HTR7: variants seen among roughly 807,000 people sequenced by gnomAD.
The protein encoded by HTR7 is 5-hydroxytryptamine receptor 7, also known as 5-HT-7.
Under a neutral mutation model 34.0 loss-of-function variants are expected in HTR7, and 16 were observed. The ratio of observed to expected loss-of-function variants is 0.47; its 90% CI spans 0.32 to 0.71. The LOEUF (loss-of-function observed/expected upper bound fraction) is 0.71. Ranked by LOEUF, HTR7 falls within the 30% of genes least tolerant of loss-of-function variation. HTR7 has a pLI of 0.04. For missense variants in HTR7, 504 were observed against 625.5 expected, an observed-to-expected ratio of 0.81 and a Z score of 2.07; for synonymous variants, 265 against 260.2, an observed-to-expected ratio of 1.02 and a Z score of -0.18.
intron 1 of HTR7, among the ~76,000 whole-genome samples, chr10:90,794,107 A>C (rs762343465): frequency 6.6e-6 from 1 of 152,218 alleles, no homozygotes; most frequent in African/African-American, 2.4e-5. Flanking sequence ...AATCCAATCA[A>C]ATTGACACTC....
intron 1 of HTR7, among the ~76,000 whole-genome samples, chr10:90,812,318 C>T (rs905450496): frequency 5.9e-5 from 9 of 152,126 alleles, no homozygotes; most frequent in South Asian, 2.1e-4. Flanking sequence ...CTCTTGTTTA[C>T]ACTGCCGGTT....
intron 1 of HTR7, among the ~76,000 whole-genome samples, chr10:90,852,615 A>G (rs541463023): frequency 1.3e-5 from 2 of 152,356 alleles, no homozygotes; most frequent in East Asian, 3.8e-4. Context: ...TCTACGGTGA[A>G]TGGATAAGCA....
chr10:90,826,554 A>G (rs1453424479), intron 1 of HTR7, among the ~76,000 whole-genome samples: 2 of 152,232 alleles, frequency 1.3e-5, no homozygotes, highest in Non-Finnish European at 2.9e-5. Flanking sequence ...AGACAGTACT[A>G]TAAGATATAA....
intron 1 of HTR7, among the ~76,000 whole-genome samples, chr10:90,840,166 C>CTT (rs1422267884): frequency 2.1e-3 from 269 of 126,536 alleles, no homozygotes; most frequent in African/African-American, 7.1e-3. Context: ...ATCTGTTTCT[C>CTT]TCTCTCTCTC....
chr10:90,782,840 G>C (rs965510433), intron 1 of HTR7, among the ~76,000 whole-genome samples: 1 of 151,956 alleles, frequency 6.6e-6, no homozygotes, highest in African/African-American at 2.4e-5. Flanking sequence ...TTGTTTGTTT[G>C]CTTCTTTCTT....
intron 1 of HTR7, among the ~76,000 whole-genome samples, chr10:90,813,144 C>G (rs1229579160): frequency 6.6e-6 from 1 of 152,164 alleles, no homozygotes; most frequent in Admixed American, 6.5e-5. Context: ...GGCCCCACCC[C>G]TATCTCCCTT....
intron 1 of HTR7, among the ~76,000 whole-genome samples, chr10:90,840,148 G>C (rs1162525647): frequency 7.1e-6 from 1 of 140,070 alleles, no homozygotes; most frequent in Non-Finnish European, 1.6e-5. Flanking sequence ...CCATCTGTCT[G>C]TCTCTCCATC....
chr10:90,838,834 G>C (rs963329037), intron 1 of HTR7, among the ~76,000 whole-genome samples: 5 of 152,128 alleles, frequency 3.3e-5, no homozygotes, highest in Non-Finnish European at 7.3e-5. Context: ...GGCCCTCCAT[G>C]ATCACCCACT....
chr10:90,837,859 A>G (rs1325270074), intron 1 of HTR7, among the ~76,000 whole-genome samples: 1 of 152,222 alleles, frequency 6.6e-6, no homozygotes, highest in East Asian at 1.9e-4. Flanking sequence ...TGACTGCTTC[A>G]CTAAAACTAC....
At chr10:90,770,670 C>T (rs977155051) in intron 1 of HTR7, among the ~76,000 whole-genome samples, 3 of 152,244 alleles carry the variant, frequency 2.0e-5, no homozygotes, top group African/African-American at 7.2e-5. Context: ...TCGCCCTGGC[C>T]CTCTCTAGAC....
intron 1 of HTR7, among the ~76,000 whole-genome samples, chr10:90,834,239 T>C (rs1024135261): frequency 5.9e-5 from 9 of 152,132 alleles, no homozygotes; most frequent in African/African-American, 1.9e-4. Context: ...GGTGTGCAAA[T>C]CCTACTAGTC....
intron 1 of HTR7, among the ~76,000 whole-genome samples, chr10:90,783,625 T>C (rs1261618232): frequency 6.6e-6 from 1 of 152,200 alleles, no homozygotes; most frequent in Admixed American, 6.5e-5. Context: ...GTGTTTTGCT[T>C]TTTAGAGATA....
intron 1 of HTR7, among the ~76,000 whole-genome samples, chr10:90,771,479 A>G (rs1330416660): frequency 1.3e-5 from 2 of 152,202 alleles, no homozygotes; most frequent in Admixed American, 6.5e-5. Flanking sequence ...GAGCTCCCTG[A>G]GCCAGGGCTG....
At chr10:90,776,756 C>T (rs1845218433) in intron 1 of HTR7, among the ~76,000 whole-genome samples, 2 of 152,060 alleles carry the variant, frequency 1.3e-5, no homozygotes, top group Admixed American at 1.3e-4. Flanking sequence ...AAAAATCTTT[C>T]TAAAATATAT....
At position 90,850,413 on chromosome 10, in the gene HTR7, G is replaced by A. The variant is rs548338965; in HGVS notation, c.539+6720C>T. On this transcript the variant is annotated intron_variant, in intron 1 of 3. Coordinates refer to ENST00000336152, the MANE Select transcript of HTR7 (RefSeq NM_019859.4). ...ATTAAAATAATCAGTTGTCCAATAT[G>A]CCTGCCTAGCATTTTCTCTGGAACA... is the stretch of plus-strand genomic sequence containing the variant. 2.6e-5 allele frequency among the ~76,000 whole-genome samples: 4 copies of A among 152,298 alleles called. No homozygotes were observed. In the East Asian group the frequency reaches 7.7e-4, roughly 29 times the overall value.
At chr10:90,783,291 C>T (rs1272063265) in intron 1 of HTR7, among the ~76,000 whole-genome samples, 1 of 152,138 alleles carries the variant, frequency 6.6e-6, no homozygotes, top group Non-Finnish European at 1.5e-5. Flanking sequence ...GTTGAAAAGG[C>T]AAATTTCCCT....
At chr10:90,851,239 G>A (rs1431966840) in intron 1 of HTR7, among the ~76,000 whole-genome samples, 5 of 152,094 alleles carry the variant, frequency 3.3e-5, no homozygotes, top group African/African-American at 1.2e-4. Context: ...AGAAGACAAT[G>A]GAACAATGTT....
intron 1 of HTR7, among the ~76,000 whole-genome samples, chr10:90,830,991 T>G (rs981144615): frequency 4.6e-5 from 7 of 152,196 alleles, no homozygotes; most frequent in Non-Finnish European, 7.3e-5. Context: ...CACTTAGCAG[T>G]TGCTTCAAGC....
intron 2 of HTR7, 65 bp from the exon 3 acceptor site, chr10:90,743,755 C>A (rs920184611): frequency 2.0e-4 from 248 of 1,220,488 alleles, no homozygotes; most frequent in Non-Finnish European, 7.1e-5. Context: ...AAAAAAGAAT[C>A]CTTGATTATA....
Sources: allele counts gnomAD v4.1 joint callset (sites outside exome capture counted in the v4.1 genomes callset), GRCh38; gene constraint gnomAD v4.1.1; transcripts MANE v1.5; gene names NCBI Gene and HGNC (gene_info 2026-07-23, HGNC 2026-07-21).